The following HSPG2 variants were observed in gnomAD, a reference collection of about 807,000 sequenced individuals.
HSPG2 encodes the protein basement membrane-specific heparan sulfate proteoglycan core protein.
HSPG2 carries 278 observed loss-of-function variants against 526.6 expected under a neutral mutation model. The observed-to-expected ratio is 0.53, with a 90% CI of 0.48 to 0.58. The LOEUF is 0.58. HSPG2 is among the 20% of genes least tolerant of loss of function. HSPG2 has a pLI of 0.00. For synonymous variants in HSPG2, 2,465 were observed against 2,555.4 expected, an observed-to-expected ratio of 0.96 and a Z score of 1.07; for missense variants, 5,354 against 6,099.5, an observed-to-expected ratio of 0.88 and a Z score of 4.07.
chr1:21,850,451 C>G lies in HSPG2; in HGVS notation c.7206G>C (p.Ser2402=), dbSNP rs778100724. 4 of 1,612,268 alleles carry G rather than the reference C, an allele frequency of 2.5e-6. No homozygotes were observed. The highest frequency in any genetic ancestry group is 1.7e-6 in the Non-Finnish European group (2 of 1,179,482). The part of the protein sequence containing the change: ...LRLYQASPAD[S]GEYVCRVLGS... ...CCAACACTCGGCACACGTACTCGCC[C>G]GAGTCGGCGGGGGACGCTTGGTAGA... The change falls in exon 56 of 97, where the codon TCG becomes TCC. Residue 2402 remains serine (S), a synonymous_variant. Coordinates refer to ENST00000374695, the MANE Select transcript of HSPG2 (RefSeq NM_005529.7).
chr1:21,826,569 A>G (rs531994446), intron 91 of HSPG2, among the ~76,000 whole-genome samples: 12 of 151,886 alleles, frequency 7.9e-5, no homozygotes, highest in African/African-American at 2.7e-4. Flanking sequence ...GCAATGGTGC[A>G]TGCAATCTTG....
At position 21,873,560 on chromosome 1, in the gene HSPG2, G is replaced by A. The variant is rs548872177; in HGVS notation, c.3744-136C>T. 5.4e-3 allele frequency: 5,016 copies of A among 925,226 alleles called. 22 individuals carry two copies. Among genetic ancestry groups the A allele is most frequent in the Non-Finnish European group, 7.3e-3 (4,132 of 569,296 alleles). The allele number at this position is 925,226 out of a possible 1,614,324, so 57.3% of individuals were successfully genotyped here. ...AAGAGCCTGACTCGCCCATGTTACG[G>A]GGAAACTGGGCAGAGAAGAGCAGGG... is the stretch of plus-strand genomic sequence containing the variant. On this transcript the variant is annotated intron_variant, in intron 29 of 96. Transcript: ENST00000374695.
In HSPG2 at chr1:21,842,877, G is replaced by A. The variant is rs764537211; in HGVS notation, c.8803C>T (p.His2935Tyr). 4 of 1,614,144 alleles carry A rather than the reference G, an allele frequency of 2.5e-6. No individual in the cohort carries two copies. Among genetic ancestry groups the A allele is most frequent in the Non-Finnish European group, 3.4e-6 (4 of 1,180,036 alleles). Residue 2935 changes from histidine (H) to tyrosine (Y), a missense_variant, in exon 67 of 97, where the codon CAC (histidine) becomes TAC (tyrosine). His to Tyr is a moderately conservative substitution (Grantham distance 83). Coordinates refer to ENST00000374695, the MANE Select transcript of HSPG2 (RefSeq NM_005529.7). Reference protein sequence around the residue: ...QPIYIEASSSHVTEGQTLDLN... With the variant: ...QPIYIEASSSYVTEGQTLDLN... The stretch of plus-strand genomic sequence containing the variant: ...TCCAGAGTCTGCCCTTCAGTCACGT[G>A]TGAAGAGGAGGCCTCGATGTAGATG...
chr1:21,927,188 T>A (rs1467014738), intron 1 of HSPG2, among the ~76,000 whole-genome samples: 1 of 152,088 alleles, frequency 6.6e-6, no homozygotes, highest in East Asian at 1.9e-4. Context: ...AGGCCTCCCC[T>A]TCCCCACCGA....
intron 91 of HSPG2, among the ~76,000 whole-genome samples, chr1:21,826,394 G>A (rs2097974626): frequency 6.6e-6 from 1 of 151,958 alleles, no homozygotes; most frequent in African/African-American, 2.4e-5. Flanking sequence ...TGTAGAGACA[G>A]GATTTCGCCT....
intron 13 of HSPG2, 33 bp from the exon 14 acceptor site, chr1:21,881,535 A>C (rs749425238): frequency 6.3e-7 from 1 of 1,575,314 alleles, no homozygotes. Flanking sequence ...TGAGGGCTGC[A>C]GCCTGGGCCT....
In HSPG2 at chr1:21,847,728, T is replaced by C. The variant is rs1377936598; in HGVS notation, c.7986A>G (p.Thr2662=). Residue 2662 remains threonine, a synonymous_variant, in exon 61 of 97, where the codon ACA becomes ACG. Coordinates refer to ENST00000374695, the MANE Select transcript of HSPG2 (RefSeq NM_005529.7). The surrounding 1 kb of genome is among the most constrained non-coding windows in gnomAD (Gnocchi z 4.1). Reference sequence around the variant, plus strand: ...GAAGGCTGCCCCCACGCTTGTACCATGTGATGATAGCCTGGGGCTGCCTGG... The same window carrying C: ...GAAGGCTGCCCCCACGCTTGTACCACGTGATGATAGCCTGGGGCTGCCTGG... ...VVARQPQAII[T]WYKRGGSLPS... The C allele has an allele frequency of 2.0e-5, 33 of 1,612,302 alleles. No homozygotes were observed. Among genetic ancestry groups the C allele is most frequent in the East Asian group, 4.5e-5 (2 of 44,836 alleles).
In HSPG2 at chr1:21,885,896, C is replaced by A. The variant is rs192922332; in HGVS notation, c.1079-445G>T. Among the ~76,000 whole-genome samples, 207 of 152,366 alleles carry A rather than the reference C, an allele frequency of 1.4e-3. 2 individuals carry two copies. Among genetic ancestry groups the A allele is most frequent in the African/African-American group, 4.6e-3 (193 of 41,588 alleles). On this transcript the variant is annotated intron_variant, in intron 9 of 96. Coordinates refer to ENST00000374695, the MANE Select transcript of HSPG2 (RefSeq NM_005529.7). ...CCCCTGAGGGGCTCGACGGTCTGTG[C>A]TCCCACTGACAGGCCCTCTATGGAG...
At position 21,824,894 on chromosome 1, in the gene HSPG2, T is replaced by A; in HGVS notation, c.12590-115A>T. The A allele has an allele frequency of 4.1e-6, 4 of 986,118 alleles. 1 individual carries two copies. In the South Asian group the frequency reaches 5.5e-5, roughly 14 times the overall value. 61.1% of individuals were successfully genotyped at this position (986,118 alleles called of 1,614,324 possible). On this transcript the variant is annotated intron_variant, in intron 91 of 96. Transcript: ENST00000374695. This position sits in a 1 kb window ranked among gnomAD's most constrained non-coding sequence, Gnocchi z 5.9. ...ATGCAGGACTAGGGGGCTCCGAGCCTGCAGTCCCTGGGGACCCACGGGGGC... is the reference window on the plus strand; with the variant it reads ...ATGCAGGACTAGGGGGCTCCGAGCCAGCAGTCCCTGGGGACCCACGGGGGC...
chr1:21,887,276 G>A lies in HSPG2; in HGVS notation c.1017C>T (p.Leu339=), dbSNP rs771386505. ...EFPCGNGHCA[L]KLWRCDGDFD... ...AGTCACCATCGCAGCGCCACAGCTTGAGGGCACAATGTCCATTCCCGCAGG... is the reference window on the plus strand; with the variant it reads ...AGTCACCATCGCAGCGCCACAGCTTAAGGGCACAATGTCCATTCCCGCAGG... The change falls in exon 9 of 97, where the codon CTC becomes CTT. Residue 339 remains leucine (L), a synonymous_variant. Coordinates refer to ENST00000374695, the MANE Select transcript of HSPG2 (RefSeq NM_005529.7). The surrounding 1 kb of genome is among the most constrained non-coding windows in gnomAD (Gnocchi z 5.0). 8.1e-6 allele frequency: 13 copies of A among 1,613,918 alleles called. No homozygotes were observed.
Position 21,834,931 on chromosome 1 carries a change from G to T in HSPG2, c.10468C>A (p.Leu3490Ile). Residue 3490 changes from leucine (L) to isoleucine (I), a missense_variant, in exon 77 of 97, where the codon CTC becomes ATC. Transcript: ENST00000374695. Reference sequence around the variant, plus strand: ...TGCACAGAGGTCCGGATGTTGATGAGCACCGAGGGCAGGGCTGGGGAGGAG... The same window carrying T: ...TGCACAGAGGTCCGGATGTTGATGATCACCGAGGGCAGGGCTGGGGAGGAG... ...QLVIQALPSV[L>I]INIRTSVQTV... 6.2e-7 allele frequency: 1 copy of T among 1,612,646 alleles called. No individual in the cohort carries two copies. The highest frequency in any genetic ancestry group is 8.5e-7 in the Non-Finnish European group (1 of 1,180,008).
chr1:21,935,187 G>A lies in HSPG2; in HGVS notation c.63+1968C>T, dbSNP rs542140697. On this transcript the variant is annotated intron_variant, in intron 1 of 96. Transcript: ENST00000374695. Reference sequence around the variant, plus strand: ...CCCAAAGTGCTGGGATTACAGGCATGAGCCACCGCGCCTGGCCTGAAAAAC... The same window carrying A: ...CCCAAAGTGCTGGGATTACAGGCATAAGCCACCGCGCCTGGCCTGAAAAAC... Among the ~76,000 whole-genome samples the A allele has an allele frequency of 5.9e-5, 9 of 152,278 alleles. No individual in the cohort carries two copies. In the East Asian group the frequency reaches 1.5e-3, roughly 26 times the overall value.
rs41312001 is a variant in HSPG2 at position 21,890,041 on chromosome 1, C to G, written c.514G>C (p.Gly172Arg). 5 of 1,614,068 alleles carry G rather than the reference C, an allele frequency of 3.1e-6. No homozygotes were observed. Among genetic ancestry groups the G allele is most frequent in the Non-Finnish European group, 4.2e-6 (5 of 1,179,980 alleles). The change falls in exon 6 of 97, where the codon GGC becomes CGC. Residue 172 changes from glycine (G) to arginine (R), a missense_variant. Physicochemically the swap from Gly to Arg is moderately radical, Grantham distance 125 (BLOSUM62 -2). Transcript: ENST00000374695. The surrounding 1 kb of genome is among the most constrained non-coding windows in gnomAD (Gnocchi z 4.1). ...QEMLLRVISS[G>R]SVASYVTSPQ... Reference sequence around the variant, plus strand: ...GAGGTGACGTAGGAGGCCACAGAGCCGCTGGAGATGACCCTGAGCAGCATC... The same window carrying G: ...GAGGTGACGTAGGAGGCCACAGAGCGGCTGGAGATGACCCTGAGCAGCATC...
chr1:21,922,026 C>T (rs897786237), intron 1 of HSPG2, among the ~76,000 whole-genome samples: 2 of 152,154 alleles, frequency 1.3e-5, no homozygotes, highest in African/African-American at 4.8e-5. Context: ...AGGGGGACGA[C>T]ACAATAGAAC....
Position 21,865,211 on chromosome 1 carries a change from G to T in HSPG2, c.4395+74C>A. ...GGTTGGGGAGCGAGAGACAGGGTGG[G>T]TATCAAAGCCAGGCTCTGAGTCAGG... is the stretch of plus-strand genomic sequence containing the variant. On this transcript the variant is annotated intron_variant, in intron 35 of 96. Coordinates refer to ENST00000374695, the MANE Select transcript of HSPG2 (RefSeq NM_005529.7). The surrounding 1 kb of genome is among the most constrained non-coding windows in gnomAD (Gnocchi z 5.4). The T allele has an allele frequency of 6.5e-7, 1 of 1,529,996 alleles. No individual in the cohort carries two copies. Among genetic ancestry groups the T allele is most frequent in the Non-Finnish European group, 9.1e-7 (1 of 1,103,268 alleles). 94.8% of individuals were successfully genotyped at this position (1,529,996 alleles called of 1,614,324 possible). A position where few individuals can be genotyped will look rare whatever the true frequency, so the allele number is the denominator to read the frequency against.
In HSPG2 at chr1:21,893,843, A is replaced by G. The variant is rs889811256; in HGVS notation, c.244+2079T>C. ...GGGAGAATGAGAGAGAAAAGGTAAG[A>G]CAAAGGTGAAGAAAAAGGCAGAGGG... On this transcript the variant is annotated intron_variant, in intron 3 of 96. Transcript: ENST00000374695. This position sits in a 1 kb window ranked among gnomAD's most constrained non-coding sequence, Gnocchi z 4.3. Among the ~76,000 whole-genome samples, 1 of 151,590 alleles carries G rather than the reference A, an allele frequency of 6.6e-6. No homozygotes were observed. Among genetic ancestry groups the G allele is most frequent in the Non-Finnish European group, 1.5e-5 (1 of 67,832 alleles).
At chr1:21,935,832 G>T (rs1644474809) in intron 1 of HSPG2, among the ~76,000 whole-genome samples, 1 of 152,186 alleles carries the variant, frequency 6.6e-6, no homozygotes, top group Admixed American at 6.5e-5. Context: ...GGATGGCCCT[G>T]CTGAATATTT....
chr1:21,865,051 C>T lies in HSPG2; in HGVS notation c.4418G>A (p.Gly1473Glu), dbSNP rs1422679798. 2 of 1,566,780 alleles carry T rather than the reference C, an allele frequency of 1.3e-6. No homozygotes were observed. The highest frequency in any genetic ancestry group is 2.7e-5 in the African/African-American group (2 of 73,764). The change falls in exon 36 of 97, where the codon GGG (glycine) becomes GAG (glutamate). Residue 1473 changes from glycine to glutamate, a missense_variant. By Grantham distance (98) the Gly-to-Glu change is moderately conservative. Coordinates refer to ENST00000374695, the MANE Select transcript of HSPG2 (RefSeq NM_005529.7). This position sits in a 1 kb window ranked among gnomAD's most constrained non-coding sequence, Gnocchi z 5.4. ...FREEFWRRPDGQPATREHLLM... is the reference protein window; with the variant it reads ...FREEFWRRPDEQPATREHLLM... Reference sequence around the variant, plus strand: ...GAGGTGCTCGCGTGTGGCCGGCTGCCCATCGGGCCGGCGCCAGAATTCCTG... The same window carrying T: ...GAGGTGCTCGCGTGTGGCCGGCTGCTCATCGGGCCGGCGCCAGAATTCCTG...
chr1:21,841,722 TCG>T (rs1557696551), intron 69 of HSPG2, 49 bp from the exon 70 acceptor site: 3 of 1,610,860 alleles, frequency 1.9e-6, no homozygotes, highest in Non-Finnish European at 8.5e-7. Context: ...CTGGTCCTTC[TCG>T]TGTCTTGGTG....
Sources: gnomAD v4.1 joint callset for allele counts (sites outside exome capture counted in the v4.1 genomes callset) on GRCh38, gnomAD v4.1.1 for gene constraint, Gnocchi (gnomAD v3.1) non-coding constraint, MANE v1.5 for transcripts, NCBI Gene and HGNC (gene_info 2026-07-23, HGNC 2026-07-21) for gene names.